CNTN5: variants seen among roughly 807,000 people sequenced by gnomAD.
CNTN5 encodes contactin 5.
A neutral mutation model predicts 129.1 loss-of-function variants in CNTN5; 77 were observed. The ratio of observed to expected loss-of-function variants is 0.60; its 90% confidence interval spans 0.50 to 0.72. CNTN5 has a LOEUF of 0.72. Among genes scored for constraint, CNTN5 ranks in the 30% least tolerant of loss-of-function variants. The pLI is 0.00. For synonymous variants in CNTN5, 509 were observed against 465.6 expected (o/e 1.09, Z -1.20); for missense variants, 1,478 against 1,328.8 (o/e 1.11, Z -1.75).
chr11:99,706,160 C>T (rs962061921), intron 3 of CNTN5, among the ~76,000 whole-genome samples: 1 of 151,290 alleles, frequency 6.6e-6, no homozygotes, highest in African/African-American at 2.4e-5. Context: ...GGACTAGATA[C>T]AGAAGGGGGA....
At chr11:99,292,169 A>T (rs552384512) in intron 1 of CNTN5, among the ~76,000 whole-genome samples, 1 of 151,930 alleles carries the variant, frequency 6.6e-6, no homozygotes, top group Admixed American at 6.6e-5. Context: ...AATAATGTAT[A>T]TATTGATGGT....
At chr11:100,116,512 A>G (rs915341695) in intron 13 of CNTN5, among the ~76,000 whole-genome samples, 1 of 151,924 alleles carries the variant, frequency 6.6e-6, no homozygotes, top group African/African-American at 2.4e-5. Flanking sequence ...GAATTAGAAA[A>G]AAAAAAAGAC....
chr11:99,569,496 T>C (rs1475314159), intron 3 of CNTN5, among the ~76,000 whole-genome samples: 1 of 152,020 alleles, frequency 6.6e-6, no homozygotes, highest in Non-Finnish European at 1.5e-5. Flanking sequence ...GTATATTTAG[T>C]AGAGACAGGG....
At chr11:100,025,272 G>C (rs559697178) in intron 9 of CNTN5, among the ~76,000 whole-genome samples, 3 of 152,332 alleles carry the variant, frequency 2.0e-5, no homozygotes, top group African/African-American at 7.2e-5. Context: ...ACATGGTTTT[G>C]GGCCTGCAGG....
At chr11:99,318,147 T>C (rs966711739) in intron 1 of CNTN5, among the ~76,000 whole-genome samples, 1 of 152,228 alleles carries the variant, frequency 6.6e-6, no homozygotes, top group Non-Finnish European at 1.5e-5. Context: ...ACATTATAAG[T>C]ATTCTTATTG....
chr11:99,296,725 A>G (rs993576788), intron 1 of CNTN5, among the ~76,000 whole-genome samples: 2 of 152,186 alleles, frequency 1.3e-5, no homozygotes, highest in African/African-American at 4.8e-5. Context: ...CCAGGCTATT[A>G]GAGCTTGAAT....
rs1360275608 is a variant in CNTN5, at chr11:99,523,649, TAGAACAGAACAGATC to T, written c.-70-32482_-70-32468del. Among the ~76,000 whole-genome samples the T allele has an allele frequency of 2.7e-3, 312 of 116,516 alleles. 1 individual carries two copies. Among genetic ancestry groups the T allele is most frequent in the African/African-American group, 0.011 (296 of 28,046 alleles). 76.4% of individuals were successfully genotyped at this position (116,516 alleles called of 152,430 possible). On this transcript the variant is annotated intron_variant, in intron 2 of 24. Coordinates refer to ENST00000524871, the MANE Select transcript of CNTN5 (RefSeq NM_014361.4). ...TAGAATAGAATAGAATAGAATAGAATAGAACAGAACAGATCAGAACAGAACAGAACAGAACAGAAC... is the reference window on the plus strand; with the variant it reads ...TAGAATAGAATAGAATAGAATAGAATAGAACAGAACAGAACAGAACAGAAC...
At chr11:99,329,051 G>A (rs1401003811) in intron 2 of CNTN5, among the ~76,000 whole-genome samples, 1 of 151,990 alleles carries the variant, frequency 6.6e-6, no homozygotes, top group Non-Finnish European at 1.5e-5. Flanking sequence ...GGTGGGACGG[G>A]GTGGTTCAAG....
At chr11:100,106,338 C>A (rs1457835892) in intron 13 of CNTN5, among the ~76,000 whole-genome samples, 1 of 152,086 alleles carries the variant, frequency 6.6e-6, no homozygotes, top group Non-Finnish European at 1.5e-5. Flanking sequence ...AGCTGGATAT[C>A]CAGGAATAAA....
chr11:100,197,148 T>C (rs1282806623), intron 15 of CNTN5, among the ~76,000 whole-genome samples: 3 of 151,860 alleles, frequency 2.0e-5, no homozygotes, highest in Non-Finnish European at 4.4e-5. Context: ...AGCGAGCACG[T>C]TGGGCAAACA....
chr11:100,345,297 G>A (rs929073984), intron 23 of CNTN5, among the ~76,000 whole-genome samples: 3 of 152,170 alleles, frequency 2.0e-5, no homozygotes, highest in Admixed American at 6.5e-5. Context: ...GGCAGAAGGC[G>A]GAAGTGCAAA....
chr11:99,740,437 A>G (rs1943851955), intron 3 of CNTN5, among the ~76,000 whole-genome samples: 3 of 152,322 alleles, frequency 2.0e-5, no homozygotes, highest in East Asian at 1.9e-4. Context: ...CATTCTATAA[A>G]TAAGATTTAT....
chr11:99,968,982 TTTAAA>T (rs1393365610), intron 8 of CNTN5, among the ~76,000 whole-genome samples: 3 of 152,068 alleles, frequency 2.0e-5, no homozygotes, highest in Admixed American at 6.6e-5. Context: ...GATATAAAAA[TTTAAA>T]TTAAAACATC....
intron 6 of CNTN5, among the ~76,000 whole-genome samples, chr11:99,847,959 C>A (rs1366015423): frequency 3.9e-5 from 6 of 152,166 alleles, no homozygotes; most frequent in African/African-American, 1.4e-4. Context: ...ACGCCCATAA[C>A]CCCAGCATTT....
chr11:99,291,883 G>A (rs935841388), intron 1 of CNTN5, among the ~76,000 whole-genome samples: 3 of 152,046 alleles, frequency 2.0e-5, no homozygotes, highest in African/African-American at 7.2e-5. Context: ...AAAAGCAGGT[G>A]AGAAGAAAGA....
chr11:99,812,678 C>T (rs182158515), intron 3 of CNTN5, among the ~76,000 whole-genome samples: 1 of 152,144 alleles, frequency 6.6e-6, no homozygotes, highest in Admixed American at 6.6e-5. Flanking sequence ...GAATTCATGC[C>T]ATCTGACTTT....
chr11:99,593,550 C>T (rs1950041399), intron 3 of CNTN5, among the ~76,000 whole-genome samples: 3 of 152,148 alleles, frequency 2.0e-5, no homozygotes, highest in Admixed American at 2.0e-4. Flanking sequence ...TCTTCACTAT[C>T]TTCATCATAG....
intron 3 of CNTN5, among the ~76,000 whole-genome samples, chr11:99,814,183 T>C (rs1217588972): frequency 6.6e-6 from 1 of 152,148 alleles, no homozygotes; most frequent in East Asian, 1.9e-4. Context: ...AATACAGGGA[T>C]TGGCCTTTAA....
chr11:100,297,277 C>CA (rs1951117707), intron 18 of CNTN5, among the ~76,000 whole-genome samples: 1 of 151,100 alleles, frequency 6.6e-6, no homozygotes, highest in Non-Finnish European at 1.5e-5. Flanking sequence ...CCCGGGATAA[C>CA]AAAAAAGAGT....
Sources: gnomAD v4.1 joint callset for allele counts (sites outside exome capture counted in the v4.1 genomes callset) on GRCh38, gnomAD v4.1.1 for gene constraint, MANE v1.5 for transcripts, NCBI Gene and HGNC (gene_info 2026-07-23, HGNC 2026-07-21) for gene names.